Variants in SLC38A9 observed in about 807,000 individuals in gnomAD.
SLC38A9 encodes neutral amino acid transporter 9.
A neutral mutation model predicts 62.3 loss-of-function variants in SLC38A9; 48 were observed. The ratio of observed to expected loss-of-function variants is 0.77; its 90% CI spans 0.61 to 0.98. SLC38A9 has a LOEUF of 0.98. Ranked by LOEUF, SLC38A9 falls within the 50% of genes least tolerant of loss-of-function variation. SLC38A9 has a pLI of 0.00. For missense variants in SLC38A9, 541 were observed against 679.8 expected (o/e 0.80, Z 2.27); for synonymous variants, 204 against 227.7 (o/e 0.90, Z 0.94).
At chr5:55,658,157 T>C (rs1748796554) in intron 8 of SLC38A9, 1 of 150,550 alleles carries the variant, frequency 6.6e-6, no homozygotes, top group Admixed American at 6.6e-5. Context: ...ACTGATGTCT[T>C]TTATTTTATT....
At chr5:55,665,831 C>T (rs959198187) in intron 7 of SLC38A9, among the ~76,000 whole-genome samples, 10 of 151,742 alleles carry the variant, frequency 6.6e-5, no homozygotes, top group Non-Finnish European at 1.0e-4. Context: ...GGCGTGACAG[C>T]GTGCACCTGT....
chr5:55,697,845 C>T lies in SLC38A9; in HGVS notation c.113+1G>A, dbSNP rs1309542857. 1 of 1,522,030 alleles carries T rather than the reference C, an allele frequency of 6.6e-7. No homozygotes were observed. The highest frequency in any genetic ancestry group is 9.0e-7 in the Non-Finnish European group (1 of 1,115,880). The allele number at this position is 1,522,030 out of a possible 1,614,324, so 94.3% of individuals were successfully genotyped here. A position where few individuals can be genotyped will look rare whatever the true frequency, so the allele number is the denominator to read the frequency against. On this transcript the variant is annotated splice_donor_variant, in intron 3 of 15. Coordinates refer to ENST00000396865, the MANE Select transcript of SLC38A9 (RefSeq NM_173514.4). LOFTEE classifies it high-confidence loss of function. The stretch of plus-strand genomic sequence containing the variant: ...AAATGTGTTTTATTTTAAATGCTTA[C>T]CTTTTGGATCTTAGATCCGATGGCT...
At chr5:55,692,244 A>G (rs1200776037) in intron 3 of SLC38A9, among the ~76,000 whole-genome samples, 2 of 152,200 alleles carry the variant, frequency 1.3e-5, no homozygotes, top group African/African-American at 4.8e-5. Context: ...AATTAACCCT[A>G]ATTTTAAAAA....
chr5:55,690,905 T>C (rs1378755332), intron 3 of SLC38A9, among the ~76,000 whole-genome samples: 1 of 152,222 alleles, frequency 6.6e-6, no homozygotes, highest in East Asian at 1.9e-4. Context: ...CTCAAATTCT[T>C]TGTCCTTATA....
At chr5:55,687,169 G>A (rs1002773260) in intron 3 of SLC38A9, among the ~76,000 whole-genome samples, 1 of 151,032 alleles carries the variant, frequency 6.6e-6, no homozygotes, top group Non-Finnish European at 1.5e-5. Flanking sequence ...GCCGGGCGCG[G>A]TGGCTCACGC....
At chr5:55,643,056 T>G (rs1253450568) in intron 12 of SLC38A9, among the ~76,000 whole-genome samples, 1 of 152,240 alleles carries the variant, frequency 6.6e-6, no homozygotes, top group Non-Finnish European at 1.5e-5. Flanking sequence ...GTTTACAAGG[T>G]CAGAAGCTGT....
At chr5:55,645,719 G>A (rs1746219253) in intron 12 of SLC38A9, 70 bp downstream of exon 12, 1 of 1,004,638 alleles carries the variant, frequency 1.0e-6, no homozygotes, top group Non-Finnish European at 1.5e-6. Context: ...AATATAAAGT[G>A]CCTCAAATAC....
At chr5:55,629,872 T>C (rs1468644716) in intron 14 of SLC38A9, among the ~76,000 whole-genome samples, 1 of 152,218 alleles carries the variant, frequency 6.6e-6, no homozygotes, top group Admixed American at 6.5e-5. Flanking sequence ...AAATTAGTGA[T>C]AGTATTAATG....
chr5:55,686,358 T>G (rs1442752961), intron 3 of SLC38A9, among the ~76,000 whole-genome samples: 1 of 152,242 alleles, frequency 6.6e-6, no homozygotes. Flanking sequence ...GGTTTTGATT[T>G]GCATTTCTCT....
chr5:55,710,086 G>GA (rs11394301), intron 2 of SLC38A9, among the ~76,000 whole-genome samples: 74,809 of 118,606 alleles, frequency 0.63, 22,994 homozygotes, highest in South Asian at 0.71. Context: ...AAAAAAAAAA[G>GA]AAAAAAAAAA....
At position 55,662,457 on chromosome 5, in the gene SLC38A9, G is replaced by A. The variant is rs184213378; in HGVS notation, c.697+2236C>T. Among the ~76,000 whole-genome samples the A allele has an allele frequency of 6.3e-3, 964 of 152,146 alleles. 9 individuals are homozygous for A. Among genetic ancestry groups the A allele is most frequent in the African/African-American group, 0.023 (934 of 41,510 alleles). ...GAGGCTGAGGTGGGCGGATCACGAC[G>A]TCAGGAGATCGAGACCATCCTGGCC... is the stretch of plus-strand genomic sequence containing the variant. On this transcript the variant is annotated intron_variant, in intron 8 of 15. Transcript: ENST00000396865.
At chr5:55,677,500 C>G (rs180923171) in intron 3 of SLC38A9, among the ~76,000 whole-genome samples, 126 of 152,192 alleles carry the variant, frequency 8.3e-4, no homozygotes, top group African/African-American at 2.9e-3. Flanking sequence ...TAGGCAGCTC[C>G]TTCACTCTGT....
chr5:55,684,987 C>T (rs971314753), intron 3 of SLC38A9, among the ~76,000 whole-genome samples: 11 of 152,214 alleles, frequency 7.2e-5, no homozygotes, highest in African/African-American at 2.7e-4. Flanking sequence ...AGCTAATAAA[C>T]TGGAATTGGC....
intron 10 of SLC38A9, among the ~76,000 whole-genome samples, chr5:55,651,894 T>C (rs1271995469): frequency 6.6e-6 from 1 of 151,464 alleles, no homozygotes; most frequent in East Asian, 1.9e-4. Flanking sequence ...TCTAGTTGTA[T>C]CCTCAGAGAA....
At chr5:55,690,370 T>G (rs975168502) in intron 3 of SLC38A9, among the ~76,000 whole-genome samples, 1 of 152,062 alleles carries the variant, frequency 6.6e-6, no homozygotes, top group African/African-American at 2.4e-5. Context: ...AAAAAGACAG[T>G]TCCTTTGAGG....
intron 3 of SLC38A9, chr5:55,696,634 C>A (rs1232985076): frequency 1.4e-5 from 1 of 73,214 alleles, no homozygotes; most frequent in African/African-American, 4.1e-5. Context: ...TCCTCACTTC[C>A]CAGTAGGGGC....
intron 8 of SLC38A9, among the ~76,000 whole-genome samples, chr5:55,660,416 A>C (rs1441289269): frequency 6.6e-6 from 1 of 152,126 alleles, no homozygotes; most frequent in Non-Finnish European, 1.5e-5. Flanking sequence ...ACTCTGTCTC[A>C]AAAAAACATT....
intron 3 of SLC38A9, chr5:55,693,467 AT>A (rs1452569796): frequency 6.6e-6 from 1 of 152,204 alleles, no homozygotes; most frequent in Non-Finnish European, 1.5e-5. Flanking sequence ...CTTTACTACT[AT>A]AAAAAATACT....
intron 8 of SLC38A9, chr5:55,657,848 T>C (rs1748730207): frequency 6.6e-6 from 1 of 152,238 alleles, no homozygotes; most frequent in South Asian, 2.1e-4. Flanking sequence ...CGTATGTTTC[T>C]CAAGATAGAA....
Sources: gnomAD v4.1 joint callset for allele counts (sites outside exome capture counted in the v4.1 genomes callset) on GRCh38, gnomAD v4.1.1 for gene constraint, MANE v1.5 for transcripts, NCBI Gene and HGNC (gene_info 2026-07-23, HGNC 2026-07-21) for gene names.